NRCAM: variants seen among roughly 807,000 people sequenced by gnomAD.
NRCAM encodes the protein neuronal cell adhesion molecule.
In NRCAM, 83 loss-of-function variants were observed where a neutral mutation model predicts 156.5. That is an observed-to-expected ratio of 0.53 (90% CI 0.44 to 0.64). NRCAM has a LOEUF of 0.64. Among genes scored for constraint, NRCAM ranks in the 30% least tolerant of loss-of-function variants. The probability of loss-of-function intolerance (pLI) is 0.00; values close to 1 mark genes in which losing one functional copy is unlikely to be tolerated. For synonymous variants in NRCAM, 538 were observed against 563.9 expected, an observed-to-expected ratio of 0.95 and a Z score of 0.65; for missense variants, 1,417 against 1,597.3, an observed-to-expected ratio of 0.89 and a Z score of 1.92.
At chr7:108,314,020 T>C (rs1051659402) in intron 2 of NRCAM, among the ~76,000 whole-genome samples, 3 of 152,182 alleles carry the variant, frequency 2.0e-5, no homozygotes, top group Non-Finnish European at 4.4e-5. Context: ...GTTTTAATAG[T>C]TCTCAGCATA....
At chr7:108,435,396 G>C (rs1353300241) in intron 1 of NRCAM, among the ~76,000 whole-genome samples, 2 of 152,172 alleles carry the variant, frequency 1.3e-5, no homozygotes, top group Non-Finnish European at 2.9e-5. Flanking sequence ...AATAAGCAGA[G>C]TCTCAGAAAC....
At chr7:108,256,120 A>T (rs2096648345) in intron 3 of NRCAM, among the ~76,000 whole-genome samples, 1 of 152,146 alleles carries the variant, frequency 6.6e-6, no homozygotes, top group Non-Finnish European at 1.5e-5. Context: ...CCCGTCTGGG[A>T]GGTGTACCCA....
chr7:108,452,628 A>C (rs1477593795), intron 1 of NRCAM, among the ~76,000 whole-genome samples: 4 of 152,200 alleles, frequency 2.6e-5, no homozygotes, highest in African/African-American at 9.7e-5. Context: ...AGCATATCTA[A>C]ATGTATTTAG....
At chr7:108,297,592 G>C (rs1592184491) in intron 3 of NRCAM, among the ~76,000 whole-genome samples, 1 of 152,132 alleles carries the variant, frequency 6.6e-6, no homozygotes, top group African/African-American at 2.4e-5. Context: ...ATGCCAGGCA[G>C]TGTTCTTGGT....
At chr7:108,299,120 AAGAAAG>A (rs2098528997) in intron 3 of NRCAM, among the ~76,000 whole-genome samples, 1 of 109,300 alleles carries the variant, frequency 9.1e-6, no homozygotes, top group Non-Finnish European at 2.0e-5. Context: ...AAAAAAAAGA[AAGAAAG>A]AAAGAAAGAA....
rs1471476832 is a variant in NRCAM, at chr7:108,319,813, GGAT to G, written c.-173-7085_-173-7083del. Among the ~76,000 whole-genome samples the G allele has an allele frequency of 3.3e-5, 5 of 152,154 alleles. No homozygotes were observed. The East Asian group carries it at 9.6e-4, about 29-fold the overall frequency. On this transcript the variant is annotated intron_variant, in intron 2 of 32. Coordinates refer to ENST00000379028, the MANE Select transcript of NRCAM (RefSeq NM_001037132.4). ...ACAAAATGAGAAGAAGAAAAGCAGG[GGAT>G]AAGAGGGACAGGTCTGATGAGGCTG...
chr7:108,163,610 GTGA>G (rs985278284), intron 30 of NRCAM, among the ~76,000 whole-genome samples: 1 of 152,150 alleles, frequency 6.6e-6, no homozygotes, highest in African/African-American at 2.4e-5. Flanking sequence ...TAAATCCTTT[GTGA>G]TGATAAGAAA....
At chr7:108,405,495 C>T (rs529400032) in intron 1 of NRCAM, among the ~76,000 whole-genome samples, 7 of 152,278 alleles carry the variant, frequency 4.6e-5, no homozygotes, top group East Asian at 1.9e-4. Flanking sequence ...CAATTTCATA[C>T]GTGGACATAT....
intron 3 of NRCAM, among the ~76,000 whole-genome samples, chr7:108,279,611 C>T (rs908117838): frequency 3.3e-5 from 5 of 151,330 alleles, no homozygotes; most frequent in Admixed American, 1.3e-4. Context: ...CTTGACCTGC[C>T]GCCTTCCCCC....
chr7:108,321,231 A>G (rs114406984), intron 2 of NRCAM, among the ~76,000 whole-genome samples: 2 of 152,198 alleles, frequency 1.3e-5, no homozygotes, highest in Non-Finnish European at 2.9e-5. Context: ...GCCATGTTTT[A>G]TTATAACCTA....
At chr7:108,281,987 G>T (rs1048436137) in intron 3 of NRCAM, among the ~76,000 whole-genome samples, 4 of 152,226 alleles carry the variant, frequency 2.6e-5, no homozygotes, top group Non-Finnish European at 5.9e-5. Context: ...AATTAAAGTT[G>T]TTATGTCATT....
At chr7:108,152,284 A>AGTT (rs1476155493) in intron 32 of NRCAM, among the ~76,000 whole-genome samples, 1 of 152,038 alleles carries the variant, frequency 6.6e-6, no homozygotes, top group Non-Finnish European at 1.5e-5. Flanking sequence ...ACAACTTTAA[A>AGTT]AGAGTTGAGT....
chr7:108,403,197 T>G (rs11983030), intron 1 of NRCAM, among the ~76,000 whole-genome samples: 49,671 of 152,132 alleles, frequency 0.33, 8,604 homozygotes, highest in Middle Eastern at 0.46. Context: ...TTTTTGTAGG[T>G]CTTTTTGTTA....
chr7:108,319,453 C>T (rs975991213), intron 2 of NRCAM, among the ~76,000 whole-genome samples: 21 of 152,128 alleles, frequency 1.4e-4, no homozygotes, highest in African/African-American at 4.6e-4. Context: ...TATTAACCGC[C>T]TATGATTTGC....
chr7:108,228,682 T>C (rs1213261772), intron 8 of NRCAM, among the ~76,000 whole-genome samples: 1 of 152,236 alleles, frequency 6.6e-6, no homozygotes, highest in Non-Finnish European at 1.5e-5. Context: ...CTCTGAGACT[T>C]TACATGTGAT....
chr7:108,438,405 A>T lies in NRCAM; in HGVS notation c.-332+17838T>A, dbSNP rs1239674075. Among the ~76,000 whole-genome samples, 3 of 152,286 alleles carry T rather than the reference A, an allele frequency of 2.0e-5. No homozygotes were observed. The East Asian group carries it at 5.8e-4, about 29-fold the overall frequency. On this transcript the variant is annotated intron_variant, in intron 1 of 32. Transcript: ENST00000379028. ...CTACATTAATAGAATAAATGACAAAAATCACATTATAGTTTTAAAAGATGC... is the reference window on the plus strand; with the variant it reads ...CTACATTAATAGAATAAATGACAAATATCACATTATAGTTTTAAAAGATGC...
intron 32 of NRCAM, among the ~76,000 whole-genome samples, chr7:108,153,393 C>T (rs1004038175): frequency 6.6e-6 from 1 of 151,612 alleles, no homozygotes; most frequent in African/African-American, 2.4e-5. Flanking sequence ...AAACTCAACA[C>T]CCATTCATGA....
At chr7:108,394,634 G>A (rs1465588306) in intron 2 of NRCAM, among the ~76,000 whole-genome samples, 1 of 152,188 alleles carries the variant, frequency 6.6e-6, no homozygotes, top group Non-Finnish European at 1.5e-5. Flanking sequence ...AACAGAAAAG[G>A]AGAGACAATA....
chr7:108,260,755 G>C (rs1478315328), intron 3 of NRCAM, among the ~76,000 whole-genome samples: 2 of 152,190 alleles, frequency 1.3e-5, no homozygotes, highest in East Asian at 3.9e-4. Context: ...GCTGGAACAA[G>C]AGATGGGGAG....
Sources: allele counts gnomAD v4.1 joint callset (sites outside exome capture counted in the v4.1 genomes callset), GRCh38; gene constraint gnomAD v4.1.1; transcripts MANE v1.5; gene names NCBI Gene and HGNC (gene_info 2026-07-23, HGNC 2026-07-21).